The following SETDB1 variants were observed in gnomAD, a reference collection of about 807,000 sequenced individuals.
SETDB1 encodes the protein SET domain bifurcated histone lysine methyltransferase 1, also known as histone-lysine N-methyltransferase SETDB1.
A neutral mutation model predicts 137.4 loss-of-function variants in SETDB1; 31 were observed. That is an observed-to-expected ratio of 0.23 (90% CI 0.17 to 0.30). The LOEUF is 0.30. SETDB1 is among the 10% of genes least tolerant of loss of function. The pLI is 1.00. For synonymous variants in SETDB1, 548 were observed against 579.9 expected (o/e 0.95, Z 0.79); for missense variants, 1,113 against 1,631.5 (o/e 0.68, Z 5.47).
chr1:150,936,268 C>T (rs587595008), intron 3 of SETDB1, among the ~76,000 whole-genome samples: 1 of 152,246 alleles, frequency 6.6e-6, no homozygotes, highest in East Asian at 1.9e-4. Context: ...GGATTACAGG[C>T]GTGAGCCACC....
chr1:150,949,247 C>T lies in SETDB1; in HGVS notation c.1393C>T (p.Pro465Ser), dbSNP rs752647848. 6.8e-6 allele frequency: 11 copies of T among 1,613,914 alleles called. No individual in the cohort carries two copies. The highest frequency in any genetic ancestry group is 5.5e-5 in the South Asian group (5 of 91,056). Reference sequence around the variant, plus strand: ...ACCTGCCCCACCTTTCCCACCTGCTCCACCTCTATCCCCCCAAGCAGGTGA... The same window carrying T: ...ACCTGCCCCACCTTTCCCACCTGCTTCACCTCTATCCCCCCAAGCAGGTGA... The part of the protein sequence containing the change: ...APPAPPFPPA[P>S]PLSPQAGDSE... The change falls in exon 11 of 22, where the codon CCA (proline) becomes TCA (serine). Residue 465 changes from proline to serine, a missense_variant. Physicochemically the swap from Pro to Ser is moderately conservative, Grantham distance 74. This residue lies in a region of SETDB1 where 192 missense variants were observed against 198.1 expected (regional missense o/e 0.97). Coordinates refer to ENST00000692827, the MANE Select transcript of SETDB1 (RefSeq NM_001366418.1).
At position 150,959,212 on chromosome 1, in the gene SETDB1, C is replaced by A. The variant is rs1169828869; in HGVS notation, c.2368C>A (p.Pro790Thr). Reference sequence around the variant, plus strand: ...GTGTAACAAACGCTGCAAATGTGACCCAAACATGTGCACAAACCGGTTGGT... The same window carrying A: ...GTGTAACAAACGCTGCAAATGTGACACAAACATGTGCACAAACCGGTTGGT... ...YECNKRCKCD[P>T]NMCTNRLVQH... Residue 790 changes from proline (P) to threonine (T), a missense_variant, in exon 15 of 22, where the codon CCA becomes ACA. By Grantham distance (38) the Pro-to-Thr change is conservative (BLOSUM62 -1). Transcript: ENST00000692827. 1.3e-6 allele frequency: 2 copies of A among 1,591,202 alleles called. No homozygotes were observed. The highest frequency in any genetic ancestry group is 1.7e-6 in the Non-Finnish European group (2 of 1,172,724).
chr1:150,951,544 G>T, intron 14 of SETDB1, 63 bp downstream of exon 14: 2 of 873,976 alleles, frequency 2.3e-6, no homozygotes, highest in Non-Finnish European at 3.7e-6. Flanking sequence ...TTGTTTTTCT[G>T]TGCTTATAGA....
intron 3 of SETDB1, among the ~76,000 whole-genome samples, chr1:150,939,571 C>T (rs879335807): frequency 6.6e-6 from 1 of 152,058 alleles, no homozygotes; most frequent in Non-Finnish European, 1.5e-5. Context: ...GTGATCCACC[C>T]ACCTTGGCCT....
Position 150,949,171 on chromosome 1 carries a change from C to A in SETDB1, c.1317C>A (p.Thr439=). ...TTGTCCAGTACACACAGGATCTGAC[C>A]GGTACTGGAACCCAGTTCAAGCCAG... The part of the protein sequence containing the change: ...GPVVQYTQDL[T]GTGTQFKPVE... The change falls in exon 11 of 22, where the codon ACC becomes ACA. Residue 439 remains threonine (T), a synonymous_variant. Coordinates refer to ENST00000692827, the MANE Select transcript of SETDB1 (RefSeq NM_001366418.1). 6.2e-7 allele frequency: 1 copy of A among 1,613,960 alleles called. No homozygotes were observed. The highest frequency in any genetic ancestry group is 2.2e-5 in the East Asian group (1 of 44,884).
intron 9 of SETDB1, among the ~76,000 whole-genome samples, chr1:150,946,619 T>C (rs587595353): frequency 6.6e-6 from 1 of 152,178 alleles, no homozygotes; most frequent in Non-Finnish European, 1.5e-5. Flanking sequence ...CGGCTAATTT[T>C]GTATTTTTAG....
rs781468451 is a variant in SETDB1 at position 150,929,948 on chromosome 1, G to T, written c.261-19G>T. On this transcript the variant is annotated intron_variant, in intron 2 of 21. Coordinates refer to ENST00000692827, the MANE Select transcript of SETDB1 (RefSeq NM_001366418.1). ...TCCTCTACTGGCTTTGACCTTTTCTGCATGTGTTCCAATATTAGGGCAGTG... is the reference window on the plus strand; with the variant it reads ...TCCTCTACTGGCTTTGACCTTTTCTTCATGTGTTCCAATATTAGGGCAGTG... 3.7e-6 allele frequency: 6 copies of T among 1,608,042 alleles called. No individual in the cohort carries two copies. The highest frequency in any genetic ancestry group is 1.7e-4 in the Middle Eastern group (1 of 5,988).
chr1:150,955,803 C>A lies in SETDB1; in HGVS notation c.2334-3375C>A, dbSNP rs185699552. Among the ~76,000 whole-genome samples, 398 of 152,306 alleles carry A rather than the reference C, an allele frequency of 2.6e-3. 1 individual carries two copies. Among genetic ancestry groups the A allele is most frequent in the Non-Finnish European group, 4.3e-3 (292 of 68,030 alleles). On this transcript the variant is annotated intron_variant, in intron 14 of 21. Transcript: ENST00000692827. Reference sequence around the variant, plus strand: ...CCCAATGCCTGGCACATAGTAATCACTTAGGCCAGGTGCAGTGGCTGATGC... The same window carrying A: ...CCCAATGCCTGGCACATAGTAATCAATTAGGCCAGGTGCAGTGGCTGATGC...
intron 8 of SETDB1, among the ~76,000 whole-genome samples, chr1:150,944,434 C>T (rs922848677): frequency 5.9e-5 from 9 of 152,218 alleles, no homozygotes; most frequent in African/African-American, 2.2e-4. Flanking sequence ...GGCTTGGGAG[C>T]AGACTCCTAT....
chr1:150,949,648 G>T, intron 12 of SETDB1, 123 bp downstream of exon 12: 1 of 775,308 alleles, frequency 1.3e-6, no homozygotes, highest in Non-Finnish European at 2.0e-6. Context: ...GTTTGGACTT[G>T]AAAAGGAAGC....
intron 14 of SETDB1, 47 bp from the exon 15 acceptor site, chr1:150,959,131 G>T: frequency 7.4e-7 from 1 of 1,344,086 alleles, no homozygotes; most frequent in Non-Finnish European, 1.0e-6. Context: ...ATTTTTTTGT[G>T]CTCTAGTGAT....
intron 3 of SETDB1, among the ~76,000 whole-genome samples, chr1:150,933,227 CT>C (rs755050433): frequency 4.7e-5 from 7 of 148,080 alleles, no homozygotes; most frequent in Admixed American, 1.4e-4. Context: ...GCCCAGCTAA[CT>C]TTTTTTTTTG....
At position 150,953,947 on chromosome 1, in the gene SETDB1, C is replaced by T. The variant is rs587725034; in HGVS notation, c.2333+2466C>T. On this transcript the variant is annotated intron_variant, in intron 14 of 21. Transcript: ENST00000692827. ...TCAGCTCACTGCAAGCTCCGCCTTC[C>T]GGGTTCACGCCATTCTCCTGCCTCA... is the stretch of plus-strand genomic sequence containing the variant. Among the ~76,000 whole-genome samples the T allele has an allele frequency of 8.6e-5, 13 of 151,894 alleles. No homozygotes were observed. The East Asian group carries it at 1.4e-3, about 16-fold the overall frequency.
At chr1:150,951,780 G>C (rs758922900) in intron 14 of SETDB1, among the ~76,000 whole-genome samples, 2 of 152,168 alleles carry the variant, frequency 1.3e-5, no homozygotes, top group African/African-American at 2.4e-5. Flanking sequence ...ATTTACACTT[G>C]TAAGTGAAAT....
chr1:150,946,467 G>GGT (rs1670333595), intron 9 of SETDB1, among the ~76,000 whole-genome samples: 8 of 149,990 alleles, frequency 5.3e-5, no homozygotes, highest in Admixed American at 5.3e-4. Context: ...TTTTTGGGGG[G>GGT]GATGGAGTTT....
chr1:150,957,057 C>A (rs1430453399), intron 14 of SETDB1, among the ~76,000 whole-genome samples: 1 of 150,958 alleles, frequency 6.6e-6, no homozygotes, highest in African/African-American at 2.4e-5. Context: ...GTCAAGGCTG[C>A]AGTGAGCTGT....
At chr1:150,940,002 A>G in intron 4 of SETDB1, 28 bp downstream of exon 4, 2 of 1,590,414 alleles carry the variant, frequency 1.3e-6, no homozygotes, top group East Asian at 2.2e-5. Context: ...GGGAAGGGTG[A>G]GAGATAAGAA....
rs1670931643 is a variant in SETDB1 at position 150,964,555 on chromosome 1, C to G, written c.*191C>G. The G allele has an allele frequency of 4.3e-6, 3 of 702,456 alleles. No individual in the cohort carries two copies. In the Admixed American group the frequency reaches 6.0e-5, roughly 14 times the overall value. 43.5% of individuals were successfully genotyped at this position (702,456 alleles called of 1,614,324 possible). A position where few individuals can be genotyped will look rare whatever the true frequency, so the allele number is the denominator to read the frequency against. On this transcript the variant is annotated 3_prime_UTR_variant, in exon 22 of 22. Transcript: ENST00000692827. Reference sequence around the variant, plus strand: ...AGCAGGCAGGATCCCTTCTCCACCTCCAAAGGCCCTAAAGGGTGGGGAGAG... The same window carrying G: ...AGCAGGCAGGATCCCTTCTCCACCTGCAAAGGCCCTAAAGGGTGGGGAGAG...
intron 3 of SETDB1, among the ~76,000 whole-genome samples, chr1:150,936,747 G>A (rs1763447): frequency 1.3e-5 from 2 of 151,968 alleles, no homozygotes; most frequent in African/African-American, 4.8e-5. Flanking sequence ...GCACAGTAGT[G>A]CTATCATAGC....
Sources: gnomAD v4.1 joint callset for allele counts (sites outside exome capture counted in the v4.1 genomes callset) on GRCh38, gnomAD v4.1.1 for gene constraint, gnomAD v4.1.1 regional missense constraint, MANE v1.5 for transcripts, NCBI Gene and HGNC (gene_info 2026-07-23, HGNC 2026-07-21) for gene names.